Variants in ACSS1 observed in about 807,000 individuals in gnomAD.
ACSS1 encodes the protein acyl-CoA synthetase short chain family member 1.
In ACSS1, 42 loss-of-function variants were observed where a neutral mutation model predicts 75.3. That is an observed-to-expected ratio of 0.56 (90% CI 0.44 to 0.72). ACSS1 has a LOEUF of 0.72. ACSS1 is among the 30% of genes least tolerant of loss of function. ACSS1 has a pLI of 0.00. For missense variants in ACSS1, 782 were observed against 935.7 expected, an observed-to-expected ratio of 0.84 and a Z score of 2.14; for synonymous variants, 380 against 376.8, an observed-to-expected ratio of 1.01 and a Z score of -0.10.
At chr20:25,023,128 C>T (rs201994054) in intron 4 of ACSS1, 36 bp from the exon 5 acceptor site, 49 of 1,592,254 alleles carry the variant, frequency 3.1e-5, no homozygotes, top group Admixed American at 5.1e-5. Context: ...CCACCGAGGG[C>T]ACTCAGCCTC....
chr20:25,022,800 G>T, intron 5 of ACSS1, 140 bp downstream of exon 5: 3 of 1,225,564 alleles, frequency 2.4e-6, no homozygotes, highest in Non-Finnish European at 3.3e-6. Flanking sequence ...GAGGACTCGA[G>T]GGGGCCCTGC....
At chr20:25,046,863 C>A in intron 2 of ACSS1, 1 of 779,698 alleles carries the variant, frequency 1.3e-6, no homozygotes, top group Non-Finnish European at 2.4e-6. Context: ...ACGGCATCTG[C>A]AACCAGGGAC....
In ACSS1 at chr20:25,007,753, G is replaced by A. The variant is rs6050248; in HGVS notation, c.*9C>T. On this transcript the variant is annotated 3_prime_UTR_variant, in exon 14 of 14. Transcript: ENST00000323482. Reference sequence around the variant, plus strand: ...CCCGCCCATCCCAAGAGCCCCACAAGGTGCCAGCTCACTTAGCAGCAGCCT... The same window carrying A: ...CCCGCCCATCCCAAGAGCCCCACAAAGTGCCAGCTCACTTAGCAGCAGCCT... 1 of 1,613,284 alleles carries A rather than the reference G, an allele frequency of 6.2e-7. No homozygotes were observed. The highest frequency in any genetic ancestry group is 1.3e-5 in the African/African-American group (1 of 75,052).
intron 1 of ACSS1, among the ~76,000 whole-genome samples, chr20:25,049,892 C>G (rs2089152847): frequency 6.6e-6 from 1 of 152,112 alleles, no homozygotes; most frequent in Non-Finnish European, 1.5e-5. Flanking sequence ...CGGTGAAGAA[C>G]TGCTCTATGC....
intron 3 of ACSS1, among the ~76,000 whole-genome samples, chr20:25,024,154 C>T (rs150926752): frequency 1.3e-5 from 2 of 152,296 alleles, no homozygotes; most frequent in Admixed American, 6.5e-5. Flanking sequence ...AGAAACCACA[C>T]CCCAGTGGAT....
chr20:25,030,155 G>A (rs2088797533), intron 3 of ACSS1, among the ~76,000 whole-genome samples: 1 of 152,218 alleles, frequency 6.6e-6, no homozygotes, highest in African/African-American at 2.4e-5. Flanking sequence ...CACCTGCCTT[G>A]CGAAGCCAGC....
intron 2 of ACSS1, among the ~76,000 whole-genome samples, chr20:25,041,765 A>C (rs2089008940): frequency 6.6e-6 from 1 of 152,244 alleles, no homozygotes; most frequent in East Asian, 1.9e-4. Flanking sequence ...CCTACTGGGA[A>C]TCCACATGAG....
intron 11 of ACSS1, 61 bp from the exon 12 acceptor site, chr20:25,012,725 G>T: frequency 2.5e-6 from 4 of 1,613,440 alleles, no homozygotes; most frequent in Non-Finnish European, 3.4e-6. Flanking sequence ...GAAGTGACTC[G>T]GGCCAGGGAC....
intron 5 of ACSS1, among the ~76,000 whole-genome samples, chr20:25,022,193 C>T (rs1396419310): frequency 6.6e-6 from 1 of 151,972 alleles, no homozygotes; most frequent in Non-Finnish European, 1.5e-5. Flanking sequence ...CCTGTCTCTA[C>T]TAAAAATACA....
intron 3 of ACSS1, among the ~76,000 whole-genome samples, chr20:25,027,965 C>T (rs1009292499): frequency 1.3e-5 from 2 of 151,962 alleles, no homozygotes; most frequent in Admixed American, 1.3e-4. Context: ...TGCTGTATCT[C>T]TACATATTAG....
At chr20:25,025,040 A>T (rs1469211295) in intron 3 of ACSS1, among the ~76,000 whole-genome samples, 2 of 152,224 alleles carry the variant, frequency 1.3e-5, no homozygotes, top group East Asian at 3.8e-4. Flanking sequence ...GGGTTGGTCC[A>T]GGTAAGCCCC....
intron 2 of ACSS1, among the ~76,000 whole-genome samples, chr20:25,036,648 C>T (rs1600335809): frequency 6.6e-6 from 1 of 152,102 alleles, no homozygotes; most frequent in Non-Finnish European, 1.5e-5. Flanking sequence ...TGTGTGCTCT[C>T]GTGTTTAAGA....
chr20:25,021,135 G>C (rs760491328), intron 6 of ACSS1, among the ~76,000 whole-genome samples: 1 of 152,232 alleles, frequency 6.6e-6, no homozygotes, highest in Non-Finnish European at 1.5e-5. Context: ...GTTTAAGTCA[G>C]AGGGCAGGAG....
In ACSS1 at chr20:25,007,617, C is replaced by T; in HGVS notation, c.*145G>A. 1.3e-6 allele frequency: 2 copies of T among 1,494,740 alleles called. No individual in the cohort carries two copies. Among genetic ancestry groups the T allele is most frequent in the Middle Eastern group, 2.5e-4 (1 of 3,980 alleles). The allele number at this position is 1,494,740 out of a possible 1,614,324, so 92.6% of individuals were successfully genotyped here. On this transcript the variant is annotated 3_prime_UTR_variant, in exon 14 of 14. Coordinates refer to ENST00000323482, the MANE Select transcript of ACSS1 (RefSeq NM_032501.4). ...ATGGGAGAAAGGGCTCTCAGCCCAG[C>T]TTCACGTGAGGGCGGTGTGGGTCAT...
chr20:25,043,543 C>A, intron 2 of ACSS1, among the ~76,000 whole-genome samples: 1 of 152,230 alleles, frequency 6.6e-6, no homozygotes, highest in East Asian at 1.9e-4. Context: ...AGGGAGAAAA[C>A]CTCCCTCAGC....
At chr20:25,037,436 C>G (rs961837319) in intron 2 of ACSS1, among the ~76,000 whole-genome samples, 2 of 152,164 alleles carry the variant, frequency 1.3e-5, no homozygotes, top group Non-Finnish European at 2.9e-5. Context: ...AGAAACCAGC[C>G]TACAGAAACG....
intron 7 of ACSS1, among the ~76,000 whole-genome samples, chr20:25,017,558 G>C (rs2088540532): frequency 6.6e-6 from 1 of 152,212 alleles, no homozygotes; most frequent in Admixed American, 6.5e-5. Context: ...CTCCCGCAGG[G>C]CTCTGCGGCT....
intron 2 of ACSS1, 38 bp downstream of exon 2, chr20:25,048,047 C>T (rs368399248): frequency 6.0e-5 from 95 of 1,588,818 alleles, no homozygotes; most frequent in East Asian, 3.6e-4. Context: ...CTGGGCTGGG[C>T]GCCTCCCTCG....
intron 2 of ACSS1, among the ~76,000 whole-genome samples, chr20:25,033,774 G>C (rs1281913928): frequency 6.6e-6 from 1 of 152,242 alleles, no homozygotes; most frequent in East Asian, 1.9e-4. Context: ...CACTGGGGGT[G>C]GCAGGGAAGG....
Sources: allele counts gnomAD v4.1 joint callset (sites outside exome capture counted in the v4.1 genomes callset), GRCh38; gene constraint gnomAD v4.1.1; transcripts MANE v1.5; gene names NCBI Gene and HGNC (gene_info 2026-07-23, HGNC 2026-07-21).